Variants in GRID2 observed in about 807,000 individuals in gnomAD.
The protein encoded by GRID2 is glutamate receptor ionotropic, delta-2.
In GRID2, 33 loss-of-function variants were observed where a neutral mutation model predicts 114.8. The observed-to-expected ratio is 0.29, with a 90% CI of 0.22 to 0.38. GRID2 has a LOEUF of 0.38. Ranked by LOEUF, GRID2 falls within the 10% of genes least tolerant of loss-of-function variation. GRID2 has a pLI of 1.00. For synonymous variants in GRID2, 505 were observed against 449.9 expected (o/e 1.12, Z -1.55); for missense variants, 1,184 against 1,257.7 (o/e 0.94, Z 0.89).
intron 1 of GRID2, among the ~76,000 whole-genome samples, chr4:92,571,312 C>T (rs908813029): frequency 6.6e-6 from 1 of 152,060 alleles, no homozygotes; most frequent in Non-Finnish European, 1.5e-5. Flanking sequence ...GTAAAGGGAT[C>T]AATTCAACAA....
chr4:93,663,880 G>C (rs1723723538), intron 14 of GRID2, among the ~76,000 whole-genome samples: 1 of 152,046 alleles, frequency 6.6e-6, no homozygotes, highest in Non-Finnish European at 1.5e-5. Context: ...ATGCTATGTG[G>C]GATCATCTTT....
At chr4:92,830,294 GTTT>G (rs58306762) in intron 2 of GRID2, among the ~76,000 whole-genome samples, 1 of 137,452 alleles carries the variant, frequency 7.3e-6, no homozygotes. Flanking sequence ...GATTTACATT[GTTT>G]TTTTTTTTTT....
At chr4:93,765,512 A>G (rs991534017) in intron 14 of GRID2, among the ~76,000 whole-genome samples, 22 of 151,814 alleles carry the variant, frequency 1.4e-4, no homozygotes, top group Admixed American at 7.2e-4. Context: ...ATGATCTCCT[A>G]TCGCTCAGCT....
At chr4:93,580,830 T>G in intron 13 of GRID2, among the ~76,000 whole-genome samples, 1 of 101,988 alleles carries the variant, frequency 9.8e-6, no homozygotes, top group African/African-American at 3.8e-5. Flanking sequence ...GTAACCCCCA[T>G]ACCACAAAAT....
At chr4:93,263,870 G>T (rs1009726773) in intron 8 of GRID2, among the ~76,000 whole-genome samples, 2 of 152,256 alleles carry the variant, frequency 1.3e-5, no homozygotes, top group Admixed American at 6.5e-5. Context: ...TCATTATAGA[G>T]AAATATGCTT....
chr4:92,486,998 G>A (rs1355602608), intron 1 of GRID2, among the ~76,000 whole-genome samples: 1 of 151,704 alleles, frequency 6.6e-6, no homozygotes, highest in Non-Finnish European at 1.5e-5. Context: ...ATTTGTTTAT[G>A]TTCTTCCTCC....
At chr4:92,715,703 T>C (rs544168596) in intron 2 of GRID2, among the ~76,000 whole-genome samples, 43 of 152,260 alleles carry the variant, frequency 2.8e-4, no homozygotes, top group African/African-American at 1.0e-3. Context: ...ATCTGAGATT[T>C]ATTCACTATC....
At chr4:92,879,317 T>G (rs1745841354) in intron 2 of GRID2, among the ~76,000 whole-genome samples, 1 of 152,136 alleles carries the variant, frequency 6.6e-6, no homozygotes. Context: ...CTGACACCAA[T>G]AAAATGACAC....
chr4:92,501,628 T>C (rs1330253292), intron 1 of GRID2, among the ~76,000 whole-genome samples: 2 of 152,114 alleles, frequency 1.3e-5, no homozygotes, highest in Non-Finnish European at 2.9e-5. Context: ...AGGTATCACT[T>C]CAAGCATCAG....
intron 1 of GRID2, among the ~76,000 whole-genome samples, chr4:92,471,387 TA>T (rs1179795103): frequency 2.0e-5 from 3 of 152,054 alleles, no homozygotes. Flanking sequence ...TTGAGGAAGT[TA>T]AAGGCTTGAG....
At chr4:93,564,711 A>G (rs1321246708) in intron 13 of GRID2, among the ~76,000 whole-genome samples, 1 of 152,070 alleles carries the variant, frequency 6.6e-6, no homozygotes, top group East Asian at 1.9e-4. Context: ...TACTGGTCTT[A>G]TAAGTCAGTA....
intron 7 of GRID2, among the ~76,000 whole-genome samples, chr4:93,229,949 G>A (rs1745921311): frequency 6.6e-6 from 1 of 152,066 alleles, no homozygotes; most frequent in Admixed American, 6.6e-5. Context: ...CAGCAGCCCT[G>A]TGCCATTGTT....
intron 1 of GRID2, among the ~76,000 whole-genome samples, chr4:92,496,477 A>G (rs1315797496): frequency 1.3e-5 from 2 of 151,950 alleles, no homozygotes; most frequent in Non-Finnish European, 2.9e-5. Flanking sequence ...TCTGACTACA[A>G]GTAAAAGTTG....
At chr4:92,489,273 T>C (rs1014381233) in intron 1 of GRID2, among the ~76,000 whole-genome samples, 1 of 152,196 alleles carries the variant, frequency 6.6e-6, no homozygotes, top group African/African-American at 2.4e-5. Flanking sequence ...GAAATAATTA[T>C]ATTCATTCAG....
rs1302990117 is a variant in GRID2, at chr4:92,984,806, G to A, written c.245-100189G>A. Among the ~76,000 whole-genome samples the A allele has an allele frequency of 2.0e-5, 3 of 151,138 alleles. No individual in the cohort carries two copies. In the East Asian group the frequency reaches 5.8e-4, roughly 29 times the overall value. ...TTCCCAGTCTTGACAATTTTAATGAGTAGTAGTCAGCTAGCTTCTTTGTTG... is the reference window on the plus strand; with the variant it reads ...TTCCCAGTCTTGACAATTTTAATGAATAGTAGTCAGCTAGCTTCTTTGTTG... On this transcript the variant is annotated intron_variant, in intron 2 of 15. Transcript: ENST00000282020.
At chr4:93,179,388 G>A (rs925033999) in intron 4 of GRID2, among the ~76,000 whole-genome samples, 5 of 152,106 alleles carry the variant, frequency 3.3e-5, no homozygotes, top group Admixed American at 2.6e-4. Flanking sequence ...CAAATGAAAT[G>A]TACAAGTGTC....
At chr4:93,415,874 G>T (rs999711177) in intron 9 of GRID2, among the ~76,000 whole-genome samples, 1 of 151,870 alleles carries the variant, frequency 6.6e-6, no homozygotes, top group Non-Finnish European at 1.5e-5. Context: ...TAATATAGAA[G>T]ATGTAAGGAT....
At chr4:92,618,112 T>C in intron 2 of GRID2, among the ~76,000 whole-genome samples, 1 of 151,844 alleles carries the variant, frequency 6.6e-6, no homozygotes, top group South Asian at 2.1e-4. Context: ...GAAATATTTT[T>C]CTTATGTTTT....
At chr4:93,347,688 C>A (rs377399771) in intron 8 of GRID2, among the ~76,000 whole-genome samples, 30 of 152,156 alleles carry the variant, frequency 2.0e-4, no homozygotes, top group African/African-American at 7.2e-4. Flanking sequence ...TAGTTAACAA[C>A]CCTGTAAGGT....
Sources: allele counts gnomAD v4.1 joint callset (sites outside exome capture counted in the v4.1 genomes callset), GRCh38; gene constraint gnomAD v4.1.1; transcripts MANE v1.5; gene names NCBI Gene and HGNC (gene_info 2026-07-23, HGNC 2026-07-21).